The following EBF2 variants were observed in gnomAD, a reference collection of about 807,000 sequenced individuals.
EBF2 encodes the protein EBF transcription factor 2, also known as transcription factor COE2.
Under a neutral mutation model 72.8 loss-of-function variants are expected in EBF2, and 21 were observed. The ratio of observed to expected loss-of-function variants is 0.29; its 90% CI spans 0.20 to 0.42. The LOEUF (loss-of-function observed/expected upper bound fraction) is 0.42. Among genes scored for constraint, EBF2 ranks in the 10% least tolerant of loss-of-function variants. The probability of loss-of-function intolerance (pLI) is 1.00; values close to 1 mark genes in which losing one functional copy is unlikely to be tolerated. For synonymous variants in EBF2, 299 were observed against 274.2 expected, an observed-to-expected ratio of 1.09 and a Z score of -0.89; for missense variants, 637 against 731.2, an observed-to-expected ratio of 0.87 and a Z score of 1.49.
At chr8:26,036,548 ATT>A (rs5890278) in intron 5 of EBF2, among the ~76,000 whole-genome samples, 5,977 of 151,036 alleles carry the variant, frequency 0.04, 257 homozygotes, top group African/African-American at 0.11. Context: ...GCAAATTATT[ATT>A]TTTTTTTTTA....
intron 6 of EBF2, among the ~76,000 whole-genome samples, chr8:25,934,524 C>T (rs1277871803): frequency 6.6e-6 from 1 of 152,176 alleles, no homozygotes; most frequent in Admixed American, 6.5e-5. Flanking sequence ...GCACACGAAT[C>T]CAAATTCAGC....
In EBF2 at chr8:25,858,357, C is replaced by T. The variant is rs267601872; in HGVS notation, c.1490G>A (p.Gly497Glu). The T allele has an allele frequency of 6.2e-7, 1 of 1,614,132 alleles. No homozygotes were observed. The highest frequency in any genetic ancestry group is 1.3e-5 in the African/African-American group (1 of 75,012). The part of the protein sequence containing the change: ...MANLGVPGSP[G>E]FLNGSPTGSP... ...GCCGGTGGGTGAGCCATTTAGAAAT[C>T]CTGGTGAACCTGGAACACCCAAGTT... The change falls in exon 14 of 16, where the codon GGA (glycine) becomes GAA (glutamate). Residue 497 changes from glycine to glutamate, a missense_variant. Gly to Glu is a moderately conservative substitution (Grantham distance 98, BLOSUM62 -2). This residue lies in a region of EBF2 where 259 missense variants were observed against 268.1 expected (regional missense o/e 0.97). Coordinates refer to ENST00000520164, the MANE Select transcript of EBF2 (RefSeq NM_022659.4).
At position 25,862,714 on chromosome 8, in the gene EBF2, C is replaced by A; in HGVS notation, c.1093G>T (p.Ala365Ser). ...PRHPGDPERL[A>S]KEMLLKRAAD... is the part of the protein sequence containing the mutation. ...CAATTTCCAAAGCACATTACCTTAG[C>A]TAATCTCTCAGGATCTCCAGGATGC... Residue 365 changes from alanine (A) to serine (S), a missense_variant, in exon 11 of 16, where the codon GCT becomes TCT. Ala to Ser is a moderately conservative substitution (Grantham distance 99). Around this residue, in one of 3 missense-constraint regions of EBF2, gnomAD observed 259 missense variants for 268.1 expected, o/e 0.97. Transcript: ENST00000520164. 1 of 1,593,524 alleles carries A rather than the reference C, an allele frequency of 6.3e-7. No individual in the cohort carries two copies. Among genetic ancestry groups the A allele is most frequent in the Non-Finnish European group, 8.6e-7 (1 of 1,168,460 alleles).
At chr8:25,858,639 G>A (rs1802146720) in intron 13 of EBF2, 135 bp from the exon 14 acceptor site, 1 of 363,598 alleles carries the variant, frequency 2.8e-6, no homozygotes, top group East Asian at 6.2e-5. Flanking sequence ...GAAGTGTGCA[G>A]TCCATCTTTA....
At chr8:25,857,365 A>C (rs1279849397) in intron 14 of EBF2, among the ~76,000 whole-genome samples, 1 of 152,168 alleles carries the variant, frequency 6.6e-6, no homozygotes, top group Non-Finnish European at 1.5e-5. Flanking sequence ...CTTCTGTGAC[A>C]TGTCAATTCT....
intron 6 of EBF2, among the ~76,000 whole-genome samples, chr8:25,941,731 A>G (rs1485023863): frequency 6.6e-6 from 1 of 152,126 alleles, no homozygotes; most frequent in Non-Finnish European, 1.5e-5. Context: ...GGCTGCTGTC[A>G]GAGAGCCCGA....
At chr8:25,890,285 A>T (rs1198705593) in intron 7 of EBF2, among the ~76,000 whole-genome samples, 1 of 152,232 alleles carries the variant, frequency 6.6e-6, no homozygotes, top group African/African-American at 2.4e-5. Flanking sequence ...GGGTTCTTGC[A>T]CTTCAGACAG....
intron 6 of EBF2, among the ~76,000 whole-genome samples, chr8:25,956,111 A>G (rs1462368549): frequency 6.6e-6 from 1 of 152,112 alleles, no homozygotes; most frequent in Non-Finnish European, 1.5e-5. Flanking sequence ...GAGGGAGAGC[A>G]TTATTCCTTT....
intron 15 of EBF2, among the ~76,000 whole-genome samples, chr8:25,849,760 G>C (rs1195662533): frequency 2.0e-5 from 3 of 152,104 alleles, no homozygotes; most frequent in African/African-American, 7.2e-5. Context: ...GGGTTTGATG[G>C]ATAACTTTTG....
Position 25,858,431 on chromosome 8 carries a change from G to A in EBF2, c.1416C>T (p.Tyr472=), listed in dbSNP as rs1193494725. 3 of 1,614,122 alleles carry A rather than the reference G, an allele frequency of 1.9e-6. No individual in the cohort carries two copies. The highest frequency in any genetic ancestry group is 2.2e-5 in the South Asian group (2 of 91,072). ...CATTCATACTGTTGCTGGAGGTACT[G>A]TAATTAGACTGTTGAGGCGTGGAGC... The part of the protein sequence containing the change: ...SSSSTPQQSN[Y]STSSNSMNGY... The change falls in exon 14 of 16, where the codon TAC becomes TAT. Residue 472 remains tyrosine (Y), a synonymous_variant. Transcript: ENST00000520164.
intron 6 of EBF2, among the ~76,000 whole-genome samples, chr8:25,924,704 G>A (rs928000902): frequency 1.3e-5 from 2 of 152,220 alleles, no homozygotes; most frequent in African/African-American, 4.8e-5. Flanking sequence ...AGAAAACAGG[G>A]CCAAATGGCT....
At chr8:26,016,745 C>G (rs1037501983) in intron 6 of EBF2, among the ~76,000 whole-genome samples, 5 of 152,164 alleles carry the variant, frequency 3.3e-5, no homozygotes, top group African/African-American at 4.8e-5. Context: ...GAAAACCTCG[C>G]TTTCTCTTGC....
intron 6 of EBF2, among the ~76,000 whole-genome samples, chr8:26,028,448 T>G (rs1397318256): frequency 6.6e-6 from 1 of 152,214 alleles, no homozygotes; most frequent in Non-Finnish European, 1.5e-5. Context: ...ATGGGTAGCC[T>G]ACGAAGATTC....
intron 10 of EBF2, among the ~76,000 whole-genome samples, chr8:25,881,423 T>A (rs1044608415): frequency 2.0e-5 from 3 of 152,234 alleles, no homozygotes; most frequent in African/African-American, 7.2e-5. Flanking sequence ...TTAAGGAGGT[T>A]CAATTCCCCT....
At chr8:25,864,786 C>T (rs904995655) in intron 10 of EBF2, among the ~76,000 whole-genome samples, 1 of 149,412 alleles carries the variant, frequency 6.7e-6, no homozygotes, top group African/African-American at 2.5e-5. Context: ...TTTAAAACTA[C>T]ATTTTCTCAA....
chr8:25,901,358 G>A (rs4872375), intron 7 of EBF2, among the ~76,000 whole-genome samples: 79,980 of 150,312 alleles, frequency 0.53, 21,694 homozygotes, highest in East Asian at 0.72. Context: ...AGAGGCAGAG[G>A]TTGCAGTGAG....
intron 6 of EBF2, among the ~76,000 whole-genome samples, chr8:26,014,508 C>G (rs755827226): frequency 2.0e-5 from 3 of 152,116 alleles, no homozygotes; most frequent in African/African-American, 7.2e-5. Context: ...TTCTTTCCTC[C>G]TTTGCACTAT....
chr8:25,855,432 C>G (rs1222460239), intron 14 of EBF2, among the ~76,000 whole-genome samples: 1 of 152,012 alleles, frequency 6.6e-6, no homozygotes, highest in Non-Finnish European at 1.5e-5. Flanking sequence ...TGAAGTAGTG[C>G]GAGAGCAAAA....
chr8:26,018,370 C>T lies in EBF2; in HGVS notation c.551+14715G>A, dbSNP rs536074633. On this transcript the variant is annotated intron_variant, in intron 6 of 15. Coordinates refer to ENST00000520164, the MANE Select transcript of EBF2 (RefSeq NM_022659.4). ...AGACTGTAAAGAAGTAAGAGAGAAA[C>T]GGCCGGACGCGGTGGCTCATGTCTG... 2.1e-4 allele frequency among the ~76,000 whole-genome samples: 31 copies of T among 151,142 alleles called. No individual in the cohort carries two copies. The South Asian group carries it at 2.1e-3, about 10-fold the overall frequency.
Sources: gnomAD v4.1 joint callset for allele counts (sites outside exome capture counted in the v4.1 genomes callset) on GRCh38, gnomAD v4.1.1 for gene constraint, gnomAD v4.1.1 regional missense constraint, MANE v1.5 for transcripts, NCBI Gene and HGNC (gene_info 2026-07-23, HGNC 2026-07-21) for gene names.